Variants in FAT4 observed in about 807,000 individuals in gnomAD.
The protein encoded by FAT4 is FAT atypical cadherin 4.
FAT4 carries 84 observed loss-of-function variants against 303.9 expected under a neutral mutation model. That is an observed-to-expected ratio of 0.28 (90% CI 0.23 to 0.33). The LOEUF is 0.33. Among genes scored for constraint, FAT4 ranks in the 10% least tolerant of loss-of-function variants. The pLI is 1.00. For synonymous variants in FAT4, 2,307 were observed against 2,298.8 expected (o/e 1.00, Z -0.10); for missense variants, 6,005 against 6,146.8 (o/e 0.98, Z 0.77).
Position 125,490,451 on chromosome 4 carries a change from G to A in FAT4, c.13635G>A (p.Pro4545=), listed in dbSNP as rs757657669. ...KAKNPKEEKK[P]KEKKKKGSEN... ...AAAATCCCAAAGAGGAGAAGAAACC[G>A]AAGGAGAAGAAGAAAAAGGGAAGTG... The change falls in exon 18 of 18, where the codon CCG becomes CCA. Residue 4545 remains proline (P), a synonymous_variant. Transcript: ENST00000394329. The A allele has an allele frequency of 1.9e-5, 30 of 1,614,016 alleles. 1 individual carries two copies. In the Middle Eastern group the frequency reaches 4.9e-4, roughly 27 times the overall value.
At chr4:125,383,488 T>G (rs1300458440) in intron 2 of FAT4, among the ~76,000 whole-genome samples, 1 of 152,122 alleles carries the variant, frequency 6.6e-6, no homozygotes, top group Non-Finnish European at 1.5e-5. Context: ...CCCAAGAAAA[T>G]AGTAACCTCA....
chr4:125,354,167 A>T (rs186077794), intron 2 of FAT4, among the ~76,000 whole-genome samples: 1 of 151,762 alleles, frequency 6.6e-6, no homozygotes, highest in South Asian at 2.1e-4. Flanking sequence ...AGATTATTTT[A>T]TAAGATTTTA....
chr4:125,491,118 C>T lies in FAT4; in HGVS notation c.14302C>T (p.Pro4768Ser). The change falls in exon 18 of 18, where the codon CCA becomes TCA. Residue 4768 changes from proline to serine, a missense_variant. Coordinates refer to ENST00000394329, the MANE Select transcript of FAT4 (RefSeq NM_001291303.3). ...GGCCATGGCATCACATGGTTCTAGA[C>T]CAGGGAGTCGCCTAAAGCAGCCGAT... ...PQAMASHGSR[P>S]GSRLKQPIGQ... 4 of 1,614,136 alleles carry T rather than the reference C, an allele frequency of 2.5e-6. No homozygotes were observed. Among genetic ancestry groups the T allele is most frequent in the South Asian group, 2.2e-5 (2 of 91,086 alleles).
At chr4:125,348,883 G>A (rs1015720449) in intron 2 of FAT4, among the ~76,000 whole-genome samples, 4 of 151,754 alleles carry the variant, frequency 2.6e-5, no homozygotes, top group Non-Finnish European at 5.9e-5. Context: ...GCTAAGGTTG[G>A]AGAAATCTAA....
chr4:125,416,767 G>A (rs1367503752), intron 7 of FAT4, 145 bp downstream of exon 7: 3 of 696,306 alleles, frequency 4.3e-6, no homozygotes, highest in East Asian at 5.4e-5. Context: ...CCAACATGGT[G>A]AAACCCCATC....
At position 125,490,436 on chromosome 4, in the gene FAT4, A is replaced by C; in HGVS notation, c.13620A>C (p.Lys4540Asn). 6.2e-7 allele frequency: 1 copy of C among 1,614,116 alleles called. No individual in the cohort carries two copies. Among genetic ancestry groups the C allele is most frequent in the South Asian group, 1.1e-5 (1 of 91,080 alleles). ...QCRGKKAKNP[K>N]EEKKPKEKKK... ...GGGGGAAGAAGGCCAAAAATCCCAA[A>C]GAGGAGAAGAAACCGAAGGAGAAGA... Residue 4540 changes from lysine (K) to asparagine (N), a missense_variant, in exon 18 of 18, where the codon AAA (lysine) becomes AAC (asparagine). Coordinates refer to ENST00000394329, the MANE Select transcript of FAT4 (RefSeq NM_001291303.3).
At position 125,440,610 on chromosome 4, in the gene FAT4, T is replaced by TGTGTGTGTGTGAGAGA. The variant is rs372756130; in HGVS notation, c.7200-5682_7200-5681insTGTGTGTGTGAGAGAG. On this transcript the variant is annotated intron_variant, in intron 8 of 17. Coordinates refer to ENST00000394329, the MANE Select transcript of FAT4 (RefSeq NM_001291303.3). Reference sequence around the variant, plus strand: ...GTGTGTGTGTGTGTGTGTGTGTGTGTGAGAGAGAGAGAGAGAGAGAGAGAG... The same window carrying TGTGTGTGTGTGAGAGA: ...GTGTGTGTGTGTGTGTGTGTGTGTGTGTGTGTGTGTGAGAGAGAGAGAGAGAGAGAGAGAGAGAGAG... Among the ~76,000 whole-genome samples the TGTGTGTGTGTGAGAGA allele has an allele frequency of 3.0e-4, 23 of 75,748 alleles. 2 individuals are homozygous for TGTGTGTGTGTGAGAGA. The Admixed American group carries it at 3.3e-3, about 11-fold the overall frequency. 49.7% of individuals were successfully genotyped at this position (75,748 alleles called of 152,430 possible). A position where few individuals can be genotyped will look rare whatever the true frequency, so the allele number is the denominator to read the frequency against.
intron 8 of FAT4, chr4:125,446,021 G>A (rs991249525): frequency 3.8e-6 from 1 of 263,682 alleles, no homozygotes; most frequent in Admixed American, 4.9e-5. Flanking sequence ...TTAGGGGTTT[G>A]TTTGGTGGCC....
chr4:125,356,966 G>T (rs1280098392), intron 2 of FAT4, among the ~76,000 whole-genome samples: 1 of 151,928 alleles, frequency 6.6e-6, no homozygotes, highest in Non-Finnish European at 1.5e-5. Context: ...TCCCCTGAGG[G>T]AGTAACTATG....
intron 3 of FAT4, among the ~76,000 whole-genome samples, chr4:125,402,383 A>G (rs913268526): frequency 6.6e-6 from 1 of 152,018 alleles, no homozygotes; most frequent in African/African-American, 2.4e-5. Flanking sequence ...AGTGAAACAG[A>G]ACAAATGTAC....
intron 10 of FAT4, among the ~76,000 whole-genome samples, chr4:125,454,604 C>A (rs1726213568): frequency 1.3e-5 from 2 of 152,130 alleles, no homozygotes; most frequent in Admixed American, 1.3e-4. Context: ...GAGGCTGAGG[C>A]AGGTGGATCA....
chr4:125,454,559 T>G (rs192597449), intron 10 of FAT4, among the ~76,000 whole-genome samples: 2 of 152,280 alleles, frequency 1.3e-5, no homozygotes, highest in East Asian at 3.9e-4. Context: ...ACAGGCCAGG[T>G]GCAGTGGCTC....
chr4:125,377,980 A>G (rs1433406340), intron 2 of FAT4, among the ~76,000 whole-genome samples: 1 of 152,110 alleles, frequency 6.6e-6, no homozygotes, highest in Non-Finnish European at 1.5e-5. Context: ...AAACTATTGC[A>G]CGTATGCCCA....
At position 125,491,542 on chromosome 4, in the gene FAT4, C is replaced by A. The variant is rs373253210; in HGVS notation, c.14726C>A (p.Ala4909Glu). Residue 4909 changes from alanine to glutamate, a missense_variant, in exon 18 of 18, where the codon GCA (alanine) becomes GAA (glutamate). Coordinates refer to ENST00000394329, the MANE Select transcript of FAT4 (RefSeq NM_001291303.3). ...GAGGGAGGACCTGTGGGCACCCAGG[C>A]AGCAGCACCAGGCACTGCTGACAAC... is the stretch of plus-strand genomic sequence containing the variant. ...RAEGGPVGTQ[A>E]AAPGTADNTL... 2.5e-6 allele frequency: 4 copies of A among 1,614,170 alleles called. No individual in the cohort carries two copies. Among genetic ancestry groups the A allele is most frequent in the Non-Finnish European group, 2.5e-6 (3 of 1,180,026 alleles).
At chr4:125,447,526 A>G (rs1725866787) in intron 9 of FAT4, among the ~76,000 whole-genome samples, 1 of 152,138 alleles carries the variant, frequency 6.6e-6, no homozygotes. Context: ...ATTACATCCA[A>G]TGTGTGGTGG....
chr4:125,373,666 A>G (rs2125993398), intron 2 of FAT4, among the ~76,000 whole-genome samples: 1 of 152,266 alleles, frequency 6.6e-6, no homozygotes, highest in African/African-American at 2.4e-5. Context: ...CTTTTATCTC[A>G]TTTAAATTTC....
chr4:125,423,108 A>C (rs1724963686), intron 7 of FAT4, among the ~76,000 whole-genome samples: 1 of 152,170 alleles, frequency 6.6e-6, no homozygotes, highest in South Asian at 2.1e-4. Context: ...AAGTTTGGAA[A>C]ATTTGCAGCC....
chr4:125,375,713 C>T (rs1418706602), intron 2 of FAT4, among the ~76,000 whole-genome samples: 2 of 152,162 alleles, frequency 1.3e-5, no homozygotes, highest in African/African-American at 4.8e-5. Flanking sequence ...TCCGTAAATG[C>T]ATTTTAAGGA....
chr4:125,442,802 T>C (rs1460524759), intron 8 of FAT4, among the ~76,000 whole-genome samples: 3 of 152,126 alleles, frequency 2.0e-5, no homozygotes, highest in Non-Finnish European at 4.4e-5. Flanking sequence ...ATGGATAGAT[T>C]GTATGTAATA....
Sources: gnomAD v4.1 joint callset for allele counts (sites outside exome capture counted in the v4.1 genomes callset) on GRCh38, gnomAD v4.1.1 for gene constraint, MANE v1.5 for transcripts, NCBI Gene and HGNC (gene_info 2026-07-23, HGNC 2026-07-21) for gene names.